The following PFKFB3 variants were observed in gnomAD, a reference collection of about 807,000 sequenced individuals.
PFKFB3 encodes 6-phosphofructo-2-kinase/fructose-2,6-biphosphatase 3.
In PFKFB3, 33 loss-of-function variants were observed where a neutral mutation model predicts 68.0. The observed-to-expected ratio is 0.49, with a 90% confidence interval of 0.37 to 0.65. PFKFB3 has a LOEUF of 0.65. Ranked by LOEUF, PFKFB3 falls within the 30% of genes least tolerant of loss-of-function variation. The probability of loss-of-function intolerance (pLI) is 0.00; values close to 1 mark genes in which losing one functional copy is unlikely to be tolerated. For missense variants in PFKFB3, 586 were observed against 712.2 expected, an observed-to-expected ratio of 0.82 and a Z score of 2.02; for synonymous variants, 315 against 288.2, an observed-to-expected ratio of 1.09 and a Z score of -0.94.
At chr10:6,225,891 G>A (rs1431593669) in intron 13 of PFKFB3, among the ~76,000 whole-genome samples, 1 of 152,156 alleles carries the variant, frequency 6.6e-6, no homozygotes, top group Non-Finnish European at 1.5e-5. Flanking sequence ...CCGACCTCAC[G>A]CTCTGCTGTG....
intron 1 of PFKFB3, among the ~76,000 whole-genome samples, chr10:6,166,818 CTTCTTTT>C (rs1293478796): frequency 3.4e-4 from 44 of 129,758 alleles, no homozygotes; most frequent in East Asian, 2.0e-3. Context: ...AGCCCTTCTT[CTTCTTTT>C]TTTTTTTTTT....
intron 1 of PFKFB3, among the ~76,000 whole-genome samples, chr10:6,153,937 T>C (rs1412644999): frequency 1.3e-5 from 2 of 151,242 alleles, no homozygotes; most frequent in African/African-American, 2.4e-5. Context: ...CAGGGGACAT[T>C]TGGACCAAGA....
intron 1 of PFKFB3, among the ~76,000 whole-genome samples, chr10:6,157,322 G>C (rs1338589736): frequency 6.6e-6 from 1 of 151,414 alleles, no homozygotes; most frequent in Admixed American, 6.6e-5. Flanking sequence ...CACCTCCTGG[G>C]TTCACGCCAT....
chr10:6,169,428 C>T (rs1203111929), intron 1 of PFKFB3, among the ~76,000 whole-genome samples: 1 of 151,090 alleles, frequency 6.6e-6, no homozygotes, highest in Non-Finnish European at 1.5e-5. Context: ...AGACCTGGGC[C>T]ACCATGGAGT....
At chr10:6,183,628 T>G (rs1373932359) in intron 1 of PFKFB3, among the ~76,000 whole-genome samples, 3 of 147,384 alleles carry the variant, frequency 2.0e-5, no homozygotes, top group Non-Finnish European at 4.5e-5. Context: ...TATATATATA[T>G]ATATGTATAT....
chr10:6,170,431 C>T, intron 1 of PFKFB3, among the ~76,000 whole-genome samples: 1 of 152,278 alleles, frequency 6.6e-6, no homozygotes, highest in East Asian at 1.9e-4. Context: ...ATAAACTGGA[C>T]TACAGCAGGG....
At chr10:6,211,069 C>T (rs1384436672) in intron 1 of PFKFB3, among the ~76,000 whole-genome samples, 1 of 152,200 alleles carries the variant, frequency 6.6e-6, no homozygotes, top group East Asian at 1.9e-4. Flanking sequence ...AGTTATAGCG[C>T]CCCTCTCTTT....
the PFKFB3 span, among the ~76,000 whole-genome samples, chr10:6,322,042 G>A: frequency 1.3e-5 from 2 of 152,084 alleles, no homozygotes; most frequent in South Asian, 2.1e-4. Flanking sequence ...CTTTAATCCA[G>A]CGCTTTCCCC....
At chr10:6,165,019 A>ACTT (rs201875745) in intron 1 of PFKFB3, among the ~76,000 whole-genome samples, 1,641 of 151,752 alleles carry the variant, frequency 0.011, 69 homozygotes, top group East Asian at 0.099. Context: ...CTCTTTCACT[A>ACTT]CTTCTCAGTA....
intron 14 of PFKFB3, among the ~76,000 whole-genome samples, chr10:6,253,636 CAG>C (rs955360261): frequency 5.3e-5 from 8 of 151,306 alleles, no homozygotes; most frequent in African/African-American, 1.9e-4. Context: ...GGTGCTGGTG[CAG>C]AGAGGAGAAA....
At chr10:6,264,091 T>G in the PFKFB3 span, among the ~76,000 whole-genome samples, 34 of 152,226 alleles carry the variant, frequency 2.2e-4, no homozygotes, top group Non-Finnish European at 4.7e-4. Flanking sequence ...TGTCACTTTT[T>G]CCCCATATCG....
intron 1 of PFKFB3, among the ~76,000 whole-genome samples, chr10:6,213,042 G>A (rs1844332913): frequency 6.6e-6 from 1 of 152,128 alleles, no homozygotes; most frequent in African/African-American, 2.4e-5. Flanking sequence ...TTTCACTGTG[G>A]TGTCAGTCAC....
At chr10:6,156,127 A>ATGTGTGTGTGTGTGTG (rs1358879118) in intron 1 of PFKFB3, among the ~76,000 whole-genome samples, 2 of 46,718 alleles carry the variant, frequency 4.3e-5, no homozygotes, top group Admixed American at 2.9e-4. Flanking sequence ...ATGTACATAT[A>ATGTGTGTGTGTGTGTG]TATGTGTGTG....
rs763077219 is a variant in PFKFB3, at chr10:6,229,509, C to T, written c.1515+3144C>T. Among the ~76,000 whole-genome samples the T allele has an allele frequency of 2.0e-5, 3 of 152,158 alleles. No homozygotes were observed. The highest frequency in any genetic ancestry group is 1.3e-4 in the Admixed American group (2 of 15,284). ...TGGGCAGCTGTTGGACCCTCGTGTA[C>T]CCCCACAGCCACCCCCTTGCAGCTG... On this transcript the variant is annotated intron_variant, in intron 14 of 14. Coordinates refer to ENST00000379775, the MANE Select transcript of PFKFB3 (RefSeq NM_004566.4). This position sits in a 1 kb window ranked among gnomAD's most constrained non-coding sequence, Gnocchi z 4.3.
At chr10:6,208,176 G>A (rs1843918162) in intron 1 of PFKFB3, among the ~76,000 whole-genome samples, 1 of 152,088 alleles carries the variant, frequency 6.6e-6, no homozygotes, top group South Asian at 2.1e-4. Context: ...CTGGGCTCAA[G>A]CAATCCTGTC....
At chr10:6,289,081 T>A in the PFKFB3 span, among the ~76,000 whole-genome samples, 27 of 150,700 alleles carry the variant, frequency 1.8e-4, no homozygotes, top group African/African-American at 6.6e-4. Flanking sequence ...TTTGTTTGAG[T>A]TCATCGTAGA....
chr10:6,281,183 A>ATATATATATATATATATATATATATATG, the PFKFB3 span, among the ~76,000 whole-genome samples: 1 of 134,518 alleles, frequency 7.4e-6, no homozygotes, highest in Non-Finnish European at 1.7e-5. Context: ...ATATATATAT[A>ATATATATATATATATATATATATATATG]CACCACAGTT....
chr10:6,280,422 C>A, the PFKFB3 span, among the ~76,000 whole-genome samples: 1 of 152,012 alleles, frequency 6.6e-6, no homozygotes, highest in African/African-American at 2.4e-5. Flanking sequence ...GAACCTGGCT[C>A]GCCTGACGGT....
In PFKFB3 at chr10:6,166,576, A is replaced by G. The variant is rs1564593020; in HGVS notation, c.16+21563A>G. Among the ~76,000 whole-genome samples, 3 of 152,110 alleles carry G rather than the reference A, an allele frequency of 2.0e-5. No individual in the cohort carries two copies. In the East Asian group the frequency reaches 5.8e-4, roughly 29 times the overall value. On this transcript the variant is annotated intron_variant, in intron 1 of 14. Transcript: ENST00000379789. Reference sequence around the variant, plus strand: ...GTTGAGCTTTGTCATTGTCTACCTCAGGGGAAGAGGGAGATTGTCGCTGGT... The same window carrying G: ...GTTGAGCTTTGTCATTGTCTACCTCGGGGGAAGAGGGAGATTGTCGCTGGT...
Sources: gnomAD v4.1 joint callset for allele counts (sites outside exome capture counted in the v4.1 genomes callset) on GRCh38, gnomAD v4.1.1 for gene constraint, Gnocchi (gnomAD v3.1) non-coding constraint, MANE v1.5 for transcripts, NCBI Gene and HGNC (gene_info 2026-07-23, HGNC 2026-07-21) for gene names.